PLXNA2: variants seen among roughly 807,000 people sequenced by gnomAD.
PLXNA2 encodes the protein plexin A2.
A neutral mutation model predicts 193.5 loss-of-function variants in PLXNA2; 91 were observed. The ratio of observed to expected loss-of-function variants is 0.47; its 90% CI spans 0.40 to 0.56. PLXNA2 has a LOEUF of 0.56. Ranked by LOEUF, PLXNA2 falls within the 20% of genes least tolerant of loss-of-function variation. The pLI, the probability that PLXNA2 is intolerant of heterozygous loss-of-function variation, is 0.00. For missense variants in PLXNA2, 1,995 were observed against 2,503.2 expected (o/e 0.80, Z 4.33); for synonymous variants, 997 against 1,027.3 (o/e 0.97, Z 0.56).
Position 208,142,424 on chromosome 1 carries a change from C to T in PLXNA2, c.1411G>A (p.Glu471Lys), listed in dbSNP as rs147945367. The change falls in exon 4 of 32, where the codon GAG becomes AAG. Residue 471 changes from glutamate to lysine, a missense_variant. Around this residue, in one of 3 missense-constraint regions of PLXNA2, gnomAD observed 702 missense variants for 812.9 expected, o/e 0.86. Coordinates refer to ENST00000367033, the MANE Select transcript of PLXNA2 (RefSeq NM_025179.4). Reference sequence around the variant, plus strand: ...CCGTCCTTGAGCACAGAGACCATCTCGTACTGGACCCCACCATGGGGGGGA... The same window carrying T: ...CCGTCCTTGAGCACAGAGACCATCTTGTACTGGACCCCACCATGGGGGGGA... Reference protein sequence around the residue: ...DGPPHGGVQYEMVSVLKDGSP... With the variant: ...DGPPHGGVQYKMVSVLKDGSP... 1.8e-5 allele frequency: 29 copies of T among 1,613,094 alleles called. No individual in the cohort carries two copies. The highest frequency in any genetic ancestry group is 1.1e-4 in the African/African-American group (8 of 74,872).
chr1:208,142,288 T>A (rs1668479277), intron 4 of PLXNA2, 41 bp downstream of exon 4: 1 of 1,551,774 alleles, frequency 6.4e-7, no homozygotes, highest in Non-Finnish European at 8.7e-7. Context: ...TATCAGCAGT[T>A]TCTTGGAGTT....
intron 1 of PLXNA2, among the ~76,000 whole-genome samples, chr1:208,238,776 T>G (rs1464329809): frequency 1.3e-5 from 2 of 152,048 alleles, no homozygotes; most frequent in African/African-American, 4.8e-5. Flanking sequence ...TACCTGAGAG[T>G]CTCAAAAATC....
At chr1:208,110,710 C>G (rs956956968) in intron 4 of PLXNA2, among the ~76,000 whole-genome samples, 1 of 152,150 alleles carries the variant, frequency 6.6e-6, no homozygotes, top group Non-Finnish European at 1.5e-5. Context: ...GTAACAGAAA[C>G]AAAATTGGTG....
At chr1:208,239,552 GA>G (rs1671979190) in intron 1 of PLXNA2, among the ~76,000 whole-genome samples, 1 of 152,152 alleles carries the variant, frequency 6.6e-6, no homozygotes, top group African/African-American at 2.4e-5. Context: ...GACTTGTTAG[GA>G]ATGCCTTGGT....
At chr1:208,118,308 G>T (rs769651013) in intron 4 of PLXNA2, among the ~76,000 whole-genome samples, 1 of 152,218 alleles carries the variant, frequency 6.6e-6, no homozygotes, top group Admixed American at 6.5e-5. Flanking sequence ...CTTCCAGGGA[G>T]TGAATAGGTC....
chr1:208,195,818 AG>A (rs1572020385), intron 3 of PLXNA2, among the ~76,000 whole-genome samples: 4 of 150,276 alleles, frequency 2.7e-5, no homozygotes, highest in African/African-American at 9.8e-5. Context: ...TGGTGGGGGG[AG>A]GTTGGGCATA....
rs1415505781 is a variant in PLXNA2, at chr1:208,043,197, G to T, written c.3881C>A (p.Ala1294Asp). 6.2e-7 allele frequency: 1 copy of T among 1,613,600 alleles called. No individual in the cohort carries two copies. Among genetic ancestry groups the T allele is most frequent in the Non-Finnish European group, 8.5e-7 (1 of 1,179,782 alleles). Residue 1294 changes from alanine to aspartate, a missense_variant, in exon 21 of 32, where the codon GCT (alanine) becomes GAT (aspartate). Coordinates refer to ENST00000367033, the MANE Select transcript of PLXNA2 (RefSeq NM_025179.4). ...RVALECKEAF[A>D]ELQTDINELT... ...CTCATTGATATCCGTCTGGAGCTCA[G>T]CAAAAGCTATGAGAATAAGCAGACG...
intron 4 of PLXNA2, among the ~76,000 whole-genome samples, chr1:208,118,086 G>C (rs934836600): frequency 6.6e-6 from 1 of 152,200 alleles, no homozygotes; most frequent in African/African-American, 2.4e-5. Context: ...CCAGCACGTG[G>C]GTTGGGCACG....
At chr1:208,228,502 C>T (rs1671585559) in intron 1 of PLXNA2, among the ~76,000 whole-genome samples, 2 of 152,200 alleles carry the variant, frequency 1.3e-5, no homozygotes, top group African/African-American at 4.8e-5. Flanking sequence ...AGCCACAGAT[C>T]TGCAAGTTGT....
intron 3 of PLXNA2, among the ~76,000 whole-genome samples, chr1:208,162,690 A>G (rs1669169966): frequency 6.6e-6 from 1 of 152,196 alleles, no homozygotes; most frequent in South Asian, 2.1e-4. Flanking sequence ...CTGTATGAAG[A>G]CATTAAATGC....
intron 9 of PLXNA2, among the ~76,000 whole-genome samples, chr1:208,090,570 C>T (rs532539256): frequency 3.1e-4 from 47 of 152,258 alleles, no homozygotes; most frequent in African/African-American, 9.1e-4. Flanking sequence ...TCCACACACA[C>T]CCCAGCAGAG....
intron 3 of PLXNA2, among the ~76,000 whole-genome samples, chr1:208,198,321 A>G (rs1320494734): frequency 7.2e-5 from 11 of 152,172 alleles, no homozygotes; most frequent in Non-Finnish European, 1.6e-4. Flanking sequence ...CTGAATGGGT[A>G]TGACTGGCAC....
rs1334107823 is a variant in PLXNA2, at chr1:208,025,310, TCACATGTGGTCAG to T, written c.*1920_*1932del. The T allele has an allele frequency of 8.5e-5, 13 of 152,388 alleles. No homozygotes were observed. 9.4% of individuals were successfully genotyped at this position (152,388 alleles called of 1,614,324 possible). A position where few individuals can be genotyped will look rare whatever the true frequency, so the allele number is the denominator to read the frequency against. ...CCCTCCCCCAGCCCTCTCCTGGGAA[TCACATGTGGTCAG>T]CAGGGCCTTTGGAAATTGGAACCAC... On this transcript the variant is annotated 3_prime_UTR_variant, in exon 32 of 32. Transcript: ENST00000367033.
intron 3 of PLXNA2, among the ~76,000 whole-genome samples, chr1:208,202,827 A>C (rs941652115): frequency 6.6e-6 from 1 of 152,222 alleles, no homozygotes; most frequent in Non-Finnish European, 1.5e-5. Flanking sequence ...CCCGAGCTGC[A>C]GGAGCTCAAC....
chr1:208,031,149 T>C (rs1050763155), intron 29 of PLXNA2: 6 of 1,003,302 alleles, frequency 6.0e-6, no homozygotes, highest in Non-Finnish European at 7.1e-6. Context: ...TCAGTTTAAT[T>C]CAGGGATTCC....
intron 3 of PLXNA2, among the ~76,000 whole-genome samples, chr1:208,149,790 G>T (rs1173120783): frequency 6.6e-6 from 1 of 152,092 alleles, no homozygotes; most frequent in African/African-American, 2.4e-5. Flanking sequence ...GGTAAATTCT[G>T]TCTCTGAGAC....
intron 12 of PLXNA2, among the ~76,000 whole-genome samples, chr1:208,078,492 G>C (rs1040408277): frequency 1.1e-4 from 16 of 152,296 alleles, no homozygotes; most frequent in African/African-American, 3.6e-4. Flanking sequence ...TAAACATGCA[G>C]ATCACTGGGT....
At chr1:208,212,327 C>T (rs1187804720) in intron 2 of PLXNA2, among the ~76,000 whole-genome samples, 1 of 152,132 alleles carries the variant, frequency 6.6e-6, no homozygotes, top group Non-Finnish European at 1.5e-5. Context: ...CCAAAAGGAG[C>T]AGAGACTCAT....
At chr1:208,129,888 T>C (rs1668095137) in intron 4 of PLXNA2, among the ~76,000 whole-genome samples, 1 of 152,236 alleles carries the variant, frequency 6.6e-6, no homozygotes, top group Admixed American at 6.5e-5. Context: ...AGAACATTTT[T>C]TTCATCTCAG....
Sources: gnomAD v4.1 joint callset for allele counts (sites outside exome capture counted in the v4.1 genomes callset) on GRCh38, gnomAD v4.1.1 for gene constraint, gnomAD v4.1.1 regional missense constraint, MANE v1.5 for transcripts, NCBI Gene and HGNC (gene_info 2026-07-23, HGNC 2026-07-21) for gene names.